The following PSMA6 variants were observed in gnomAD, a reference collection of about 807,000 sequenced individuals.
PSMA6 encodes the protein proteasome subunit alpha type-6.
For missense variants in PSMA6, 170 were observed against 294.8 expected, an observed-to-expected ratio of 0.58 and a Z score of 3.10; for synonymous variants, 88 against 97.7, an observed-to-expected ratio of 0.90 and a Z score of 0.59.
intron 2 of PSMA6, 107 bp downstream of exon 2, chr14:35,308,195 G>A (rs2138745564): frequency 4.9e-6 from 7 of 1,438,570 alleles, no homozygotes; most frequent in South Asian, 3.6e-5. Flanking sequence ...GCTGAGGTGG[G>A]CAGATCACCT....
rs962097331 is a variant in PSMA6, at chr14:35,305,952, A to G, written c.77-2042A>G. Among the ~76,000 whole-genome samples the G allele has an allele frequency of 5.3e-5, 8 of 152,084 alleles. 1 individual carries two copies. Among genetic ancestry groups the G allele is most frequent in the Admixed American group, 1.3e-4 (2 of 15,256 alleles). The stretch of plus-strand genomic sequence containing the variant: ...TAAAAATAAAATAAACAGGCCAGGC[A>G]TGGTGGCTCATCCCTGTAATCCCAT... On this transcript the variant is annotated intron_variant, in intron 1 of 6. Transcript: ENST00000261479.
chr14:35,308,876 T>A, intron 2 of PSMA6, 38 bp from the exon 3 acceptor site: 1 of 1,480,504 alleles, frequency 6.8e-7, no homozygotes, highest in South Asian at 1.2e-5. Flanking sequence ...AACCTGTATG[T>A]TTTTTAAAAA....
At chr14:35,301,132 A>G (rs2051702918) in intron 1 of PSMA6, among the ~76,000 whole-genome samples, 3 of 152,176 alleles carry the variant, frequency 2.0e-5, no homozygotes. Flanking sequence ...GGCTGAAGAG[A>G]TGAAAGCAGT....
intron 3 of PSMA6, chr14:35,310,189 GC>G: frequency 5.6e-6 from 2 of 355,450 alleles, no homozygotes; most frequent in African/African-American, 4.0e-5. Flanking sequence ...CTCTCTCAAG[GC>G]CTTTTTTTTT....
upstream of PSMA6, among the ~76,000 whole-genome samples, chr14:35,290,536 T>A (rs2051466397): frequency 6.6e-6 from 1 of 152,212 alleles, no homozygotes; most frequent in South Asian, 2.1e-4. Flanking sequence ...TAGAAATTAA[T>A]TTTTAAAAAC....
chr14:35,309,978 A>G (rs940152790), intron 3 of PSMA6, among the ~76,000 whole-genome samples: 1 of 151,334 alleles, frequency 6.6e-6, no homozygotes, highest in African/African-American at 2.4e-5. Flanking sequence ...TTTGAAGAAG[A>G]AAAAAAAATT....
Position 35,314,371 on chromosome 14 carries a change from C to T in PSMA6, c.599C>T (p.Thr200Ile), listed in dbSNP as rs1173712576. The T allele has an allele frequency of 6.2e-7, 1 of 1,604,764 alleles. No individual in the cohort carries two copies. Among genetic ancestry groups the T allele is most frequent in the African/African-American group, 1.3e-5 (1 of 74,678 alleles). The change falls in exon 6 of 7, where the codon ACA becomes ATA. Residue 200 changes from threonine to isoleucine, a missense_variant. By Grantham distance (89) the Thr-to-Ile change is moderately conservative. Transcript: ENST00000261479. The part of the protein sequence containing the change: ...TFEQTVETAI[T>I]CLSTVLSIDF... Reference sequence around the variant, plus strand: ...AATACTTTTTTTCAGACTGCAATTACATGCCTGTCTACTGTTCTATCAATT... The same window carrying T: ...AATACTTTTTTTCAGACTGCAATTATATGCCTGTCTACTGTTCTATCAATT...
chr14:35,291,513 C>G (rs537923853), upstream of PSMA6, among the ~76,000 whole-genome samples: 1 of 152,006 alleles, frequency 6.6e-6, no homozygotes, highest in Non-Finnish European at 1.5e-5. Flanking sequence ...AGCCACCGCG[C>G]CCGGCCTCCG....
At chr14:35,281,525 C>T (rs79983220) in intron 1 of PSMA6, among the ~76,000 whole-genome samples, 3,869 of 152,206 alleles carry the variant, frequency 0.025, 170 homozygotes, top group African/African-American at 0.086. Context: ...GCCAATGCTG[C>T]AGACTGTAAT....
chr14:35,295,891 G>T lies in PSMA6; in HGVS notation c.76+3339G>T, dbSNP rs564857524. On this transcript the variant is annotated intron_variant, in intron 1 of 6. Transcript: ENST00000261479. ...CTAGAGGGAGGAGGTGCATTGTAGG[G>T]GGAATGGGACTGAGGCCCTAGTTGG... Among the ~76,000 whole-genome samples, 89 of 152,340 alleles carry T rather than the reference G, an allele frequency of 5.8e-4. No individual in the cohort carries two copies. The South Asian group carries it at 8.3e-3, about 14-fold the overall frequency.
At chr14:35,308,281 C>T (rs959803817) in intron 2 of PSMA6, 193 bp downstream of exon 2, 10 of 506,396 alleles carry the variant, frequency 2.0e-5, no homozygotes, top group Non-Finnish European at 2.8e-5. Context: ...ATTAGTCAGG[C>T]GTGGTGGCAC....
intron 1 of PSMA6, chr14:35,292,846 A>G: frequency 1.9e-6 from 1 of 526,934 alleles, no homozygotes. Context: ...AGGCCCCTTC[A>G]GTTATTGTAT....
At chr14:35,292,626 G>A in intron 1 of PSMA6, 74 bp downstream of exon 1, 1 of 1,572,354 alleles carries the variant, frequency 6.4e-7, no homozygotes, top group Non-Finnish European at 8.6e-7. Flanking sequence ...GAGCAGACGC[G>A]GCCCGGGTTT....
At chr14:35,315,946 CTATT>C (rs1401725254) in intron 6 of PSMA6, 1 of 152,176 alleles carries the variant, frequency 6.6e-6, no homozygotes, top group Non-Finnish European at 1.5e-5. Flanking sequence ...GCATCAACAA[CTATT>C]TAAACTGCTT....
intron 1 of PSMA6, among the ~76,000 whole-genome samples, chr14:35,307,429 A>T (rs572539357): frequency 6.6e-6 from 1 of 152,276 alleles, no homozygotes; most frequent in South Asian, 2.1e-4. Flanking sequence ...AGTATGATAA[A>T]AATTAAATTA....
intron 1 of PSMA6, among the ~76,000 whole-genome samples, chr14:35,279,208 C>T (rs1211109548): frequency 3.3e-5 from 5 of 152,048 alleles, no homozygotes; most frequent in South Asian, 2.1e-4. Context: ...CCACTATGCC[C>T]GGCTAATTTT....
chr14:35,287,451 T>C (rs2051432021), upstream of PSMA6, among the ~76,000 whole-genome samples: 1 of 152,172 alleles, frequency 6.6e-6, no homozygotes. Context: ...TCACTGAAAC[T>C]GCCGGCAGAG....
intron 6 of PSMA6, chr14:35,315,419 G>A (rs2138761593): frequency 6.6e-6 from 1 of 152,074 alleles, no homozygotes; most frequent in Non-Finnish European, 1.5e-5. Context: ...ACAGCTGGGT[G>A]CTGTGGCATG....
At chr14:35,298,971 T>A (rs1029223298) in intron 1 of PSMA6, among the ~76,000 whole-genome samples, 2 of 152,106 alleles carry the variant, frequency 1.3e-5, no homozygotes, top group Admixed American at 6.6e-5. Context: ...TGACCTCAAG[T>A]GATCCACCTG....
Sources: allele counts gnomAD v4.1 joint callset (sites outside exome capture counted in the v4.1 genomes callset), GRCh38; gene constraint gnomAD v4.1.1; transcripts MANE v1.5; gene names NCBI Gene and HGNC (gene_info 2026-07-23, HGNC 2026-07-21).